Variants in SLMAP observed in about 807,000 individuals in gnomAD.
SLMAP encodes the protein sarcolemmal membrane-associated protein.
A neutral mutation model predicts 128.8 loss-of-function variants in SLMAP; 44 were observed. That is an observed-to-expected ratio of 0.34 (90% CI 0.27 to 0.44). SLMAP has a LOEUF of 0.44. Among genes scored for constraint, SLMAP ranks in the 20% least tolerant of loss-of-function variants. The probability of loss-of-function intolerance (pLI) is 1.00; values close to 1 mark genes in which losing one functional copy is unlikely to be tolerated. For synonymous variants in SLMAP, 327 were observed against 348.8 expected, an observed-to-expected ratio of 0.94 and a Z score of 0.70; for missense variants, 787 against 985.3, an observed-to-expected ratio of 0.80 and a Z score of 2.69.
intron 21 of SLMAP, among the ~76,000 whole-genome samples, chr3:57,915,410 T>G (rs1381007733): frequency 2.6e-5 from 4 of 152,198 alleles, no homozygotes. Flanking sequence ...TAAGACAGAT[T>G]AATTCTTTTT....
intron 22 of SLMAP, 136 bp from the exon 23 acceptor site, chr3:57,922,753 T>C: frequency 1.3e-6 from 1 of 775,388 alleles, no homozygotes; most frequent in Non-Finnish European, 2.0e-6. Context: ...GTGCAAGTTA[T>C]TCCTCCTTAA....
intron 2 of SLMAP, among the ~76,000 whole-genome samples, chr3:57,770,125 G>A (rs1234351729): frequency 6.6e-6 from 1 of 152,196 alleles, no homozygotes; most frequent in African/African-American, 2.4e-5. Flanking sequence ...GGGCCATTAT[G>A]CATTCTTAGT....
intron 13 of SLMAP, among the ~76,000 whole-genome samples, chr3:57,869,939 A>G (rs1194022437): frequency 6.6e-6 from 1 of 151,720 alleles, no homozygotes; most frequent in Non-Finnish European, 1.5e-5. Context: ...ACTCATTTAT[A>G]TAAATAAAAT....
intron 2 of SLMAP, among the ~76,000 whole-genome samples, chr3:57,814,667 T>C (rs953620391): frequency 5.3e-5 from 8 of 152,124 alleles, no homozygotes; most frequent in African/African-American, 1.9e-4. Context: ...GACTAGTAAT[T>C]TCCTCTTGAT....
chr3:57,817,195 G>A (rs2153522902), intron 2 of SLMAP, among the ~76,000 whole-genome samples: 1 of 152,268 alleles, frequency 6.6e-6, no homozygotes, highest in Non-Finnish European at 1.5e-5. Context: ...AGGGTAAGAG[G>A]AACTGTAATC....
intron 21 of SLMAP, among the ~76,000 whole-genome samples, 176 bp downstream of exon 21, chr3:57,913,451 C>G (rs1358672750): frequency 6.7e-6 from 1 of 149,836 alleles, no homozygotes. Context: ...TTTTTTTTTT[C>G]CTGCCACCAC....
intron 14 of SLMAP, among the ~76,000 whole-genome samples, chr3:57,878,502 T>A (rs1575610390): frequency 6.6e-6 from 1 of 152,318 alleles, no homozygotes; most frequent in East Asian, 1.9e-4. Flanking sequence ...ATCAGAGGGA[T>A]CTTGATGTGA....
chr3:57,902,164 CAATT>C (rs2096400569), intron 17 of SLMAP: 1 of 152,050 alleles, frequency 6.6e-6, no homozygotes, highest in Admixed American at 6.6e-5. Flanking sequence ...GAATATCAAA[CAATT>C]AAGAAATTGC....
chr3:57,893,482 G>A (rs1334342335), intron 15 of SLMAP, among the ~76,000 whole-genome samples: 1 of 151,872 alleles, frequency 6.6e-6, no homozygotes, highest in East Asian at 1.9e-4. Context: ...CCATCAGGGA[G>A]TTATATTCCA....
At chr3:57,781,265 G>C (rs1216154957) in intron 2 of SLMAP, among the ~76,000 whole-genome samples, 1 of 151,742 alleles carries the variant, frequency 6.6e-6, no homozygotes. Context: ...AATTCCAAAG[G>C]TTTCTTATTG....
intron 2 of SLMAP, among the ~76,000 whole-genome samples, chr3:57,819,489 C>A (rs1182857980): frequency 6.6e-6 from 1 of 152,062 alleles, no homozygotes; most frequent in Non-Finnish European, 1.5e-5. Flanking sequence ...TTTTTCCCCC[C>A]CACAAATAAG....
At chr3:57,813,545 G>GA (rs35880712) in intron 2 of SLMAP, among the ~76,000 whole-genome samples, 1 of 151,612 alleles carries the variant, frequency 6.6e-6, no homozygotes, top group African/African-American at 2.4e-5. Context: ...ATATTTGGGG[G>GA]AAAAAAAAGG....
At chr3:57,880,031 G>A (rs1194136746) in intron 14 of SLMAP, among the ~76,000 whole-genome samples, 4 of 152,010 alleles carry the variant, frequency 2.6e-5, no homozygotes, top group Non-Finnish European at 5.9e-5. Flanking sequence ...TTGGAGGGAA[G>A]GGCTTCCTCC....
At chr3:57,916,596 A>G (rs1432000121) in intron 21 of SLMAP, among the ~76,000 whole-genome samples, 1 of 152,228 alleles carries the variant, frequency 6.6e-6, no homozygotes, top group Non-Finnish European at 1.5e-5. Context: ...TAGAAGACCT[A>G]CACTGAGTCT....
chr3:57,894,758 T>G (rs893508134), intron 15 of SLMAP, among the ~76,000 whole-genome samples: 2 of 152,190 alleles, frequency 1.3e-5, no homozygotes, highest in African/African-American at 4.8e-5. Context: ...ATGGCTCTTT[T>G]GAGGTTAGGG....
intron 13 of SLMAP, among the ~76,000 whole-genome samples, chr3:57,870,306 C>T (rs1483583346): frequency 1.3e-5 from 2 of 151,830 alleles, no homozygotes; most frequent in East Asian, 1.9e-4. Flanking sequence ...TGAGGGCTCC[C>T]GTTTTGCTTT....
At chr3:57,821,286 A>G (rs936235932) in intron 2 of SLMAP, among the ~76,000 whole-genome samples, 2 of 152,158 alleles carry the variant, frequency 1.3e-5, no homozygotes, top group Non-Finnish European at 2.9e-5. Flanking sequence ...GATTTATTGT[A>G]CAGTGAACAC....
At chr3:57,926,796 A>AT (rs2097017652) in intron 24 of SLMAP, among the ~76,000 whole-genome samples, 1 of 152,082 alleles carries the variant, frequency 6.6e-6, no homozygotes, top group Admixed American at 6.6e-5. Flanking sequence ...ACCCTGTTTG[A>AT]TTTTGTCTTC....
At chr3:57,832,565 A>C (rs752833016) in intron 3 of SLMAP, among the ~76,000 whole-genome samples, 22 of 152,232 alleles carry the variant, frequency 1.4e-4, no homozygotes, top group Non-Finnish European at 3.2e-4. Context: ...TCATTAGTTT[A>C]ATATGGATAG....
Sources: allele counts gnomAD v4.1 joint callset (sites outside exome capture counted in the v4.1 genomes callset), GRCh38; gene constraint gnomAD v4.1.1; transcripts MANE v1.5; gene names NCBI Gene and HGNC (gene_info 2026-07-23, HGNC 2026-07-21).